INPP4B: variants seen among roughly 807,000 people sequenced by gnomAD.
INPP4B encodes the protein inositol polyphosphate 4-phosphatase type II.
In INPP4B, 55 loss-of-function variants were observed where a neutral mutation model predicts 122.5. The observed-to-expected ratio is 0.45, with a 90% CI of 0.36 to 0.56. The LOEUF (loss-of-function observed/expected upper bound fraction) is 0.56. Among genes scored for constraint, INPP4B ranks in the 20% least tolerant of loss-of-function variants. The pLI, the probability that INPP4B is intolerant of heterozygous loss-of-function variation, is 0.00. For missense variants in INPP4B, 1,000 were observed against 1,097.7 expected (o/e 0.91, Z 1.26); for synonymous variants, 403 against 388.7 (o/e 1.04, Z -0.43).
In INPP4B at chr4:142,392,946, G is replaced by C. The variant is rs551596523; in HGVS notation, c.372+9992C>G. Among the ~76,000 whole-genome samples, 5 of 152,256 alleles carry C rather than the reference G, an allele frequency of 3.3e-5. No homozygotes were observed. In the South Asian group the frequency reaches 8.3e-4, roughly 25 times the overall value. On this transcript the variant is annotated intron_variant, in intron 7 of 25. Coordinates refer to ENST00000262992, the MANE Select transcript of INPP4B (RefSeq NM_001101669.3). ...TTGGTTTATGCGGACCCTGGGTAAG[G>C]AGGATACTCCAAACTTAGTATTATC...
intron 24 of INPP4B, among the ~76,000 whole-genome samples, chr4:142,083,411 A>T (rs1162216758): frequency 6.6e-6 from 1 of 152,194 alleles, no homozygotes; most frequent in Non-Finnish European, 1.5e-5. Context: ...TATGAGTAAT[A>T]GGGGAATCAT....
At chr4:142,467,428 G>A (rs1364647614) in intron 2 of INPP4B, among the ~76,000 whole-genome samples, 2 of 152,176 alleles carry the variant, frequency 1.3e-5, no homozygotes, top group African/African-American at 4.8e-5. Flanking sequence ...TGACTTGTGT[G>A]GGGCCTATTG....
chr4:142,078,931 A>G (rs1772314775), intron 25 of INPP4B, among the ~76,000 whole-genome samples: 2 of 152,044 alleles, frequency 1.3e-5, no homozygotes, highest in South Asian at 4.1e-4. Context: ...AAACATACAA[A>G]TCAAATTCCT....
At chr4:142,614,479 C>T (rs181553376) in intron 2 of INPP4B, among the ~76,000 whole-genome samples, 64 of 152,148 alleles carry the variant, frequency 4.2e-4, no homozygotes, top group African/African-American at 1.5e-3. Flanking sequence ...GGACATTGAC[C>T]TAGGCAAAGA....
chr4:142,126,789 T>G (rs922560599), intron 18 of INPP4B, among the ~76,000 whole-genome samples: 3 of 151,710 alleles, frequency 2.0e-5, no homozygotes, highest in African/African-American at 7.3e-5. Flanking sequence ...AACTTTTTTT[T>G]CATAATAAGA....
chr4:142,398,997 T>A (rs1243907691), intron 7 of INPP4B, among the ~76,000 whole-genome samples: 2 of 152,046 alleles, frequency 1.3e-5, no homozygotes, highest in Non-Finnish European at 2.9e-5. Flanking sequence ...GAAATTCAAA[T>A]TTCTACCATG....
At chr4:142,227,874 A>AG (rs1354586801) in intron 12 of INPP4B, among the ~76,000 whole-genome samples, 18 of 149,456 alleles carry the variant, frequency 1.2e-4, no homozygotes, top group African/African-American at 3.2e-4. Context: ...AAAAAAAAAA[A>AG]AAAAAAGAAA....
At chr4:142,141,077 G>A (rs1480459312) in intron 18 of INPP4B, among the ~76,000 whole-genome samples, 2 of 152,124 alleles carry the variant, frequency 1.3e-5, no homozygotes, top group Non-Finnish European at 2.9e-5. Context: ...CAATTCAAAA[G>A]GGACATGAGG....
At chr4:142,044,430 T>C (rs1002957079) in intron 25 of INPP4B, among the ~76,000 whole-genome samples, 1 of 152,092 alleles carries the variant, frequency 6.6e-6, no homozygotes, top group African/African-American at 2.4e-5. Context: ...ATGCTGCAGT[T>C]GGAGCAAGGA....
intron 3 of INPP4B, among the ~76,000 whole-genome samples, chr4:142,457,590 C>T (rs1345491385): frequency 6.6e-6 from 1 of 152,146 alleles, no homozygotes; most frequent in Non-Finnish European, 1.5e-5. Flanking sequence ...CAACAGAGAA[C>T]TATCACTACA....
chr4:142,063,938 G>A (rs775517399), intron 25 of INPP4B, among the ~76,000 whole-genome samples: 1 of 152,140 alleles, frequency 6.6e-6, no homozygotes, highest in Non-Finnish European at 1.5e-5. Flanking sequence ...CATAACCTCT[G>A]TGGTGAAATT....
At chr4:142,545,533 T>A (rs186315063) in intron 2 of INPP4B, among the ~76,000 whole-genome samples, 76 of 152,148 alleles carry the variant, frequency 5.0e-4, no homozygotes, top group African/African-American at 1.6e-3. Flanking sequence ...AGCTCTTTTT[T>A]AAATTTTTAC....
intron 2 of INPP4B, among the ~76,000 whole-genome samples, chr4:142,644,827 T>C (rs1580604849): frequency 7.6e-6 from 1 of 131,218 alleles, no homozygotes; most frequent in African/African-American, 2.9e-5. Context: ...CACTTGAACC[T>C]GGGTGGTGGA....
intron 7 of INPP4B, among the ~76,000 whole-genome samples, chr4:142,375,066 G>A (rs1300423756): frequency 3.3e-5 from 5 of 151,402 alleles, no homozygotes; most frequent in African/African-American, 7.3e-5. Flanking sequence ...CATCTTATAC[G>A]GTCTAATCAC....
At chr4:142,713,787 G>A (rs1342582414) in intron 2 of INPP4B, among the ~76,000 whole-genome samples, 1 of 152,130 alleles carries the variant, frequency 6.6e-6, no homozygotes. Flanking sequence ...TCTACATCCT[G>A]GGGGTTTTAA....
At chr4:142,345,153 T>G (rs1322025781) in intron 7 of INPP4B, among the ~76,000 whole-genome samples, 2 of 151,970 alleles carry the variant, frequency 1.3e-5, no homozygotes, top group Non-Finnish European at 2.9e-5. Flanking sequence ...TTTGGGGAAA[T>G]ATACACAATA....
intron 2 of INPP4B, among the ~76,000 whole-genome samples, chr4:142,621,554 G>A (rs2150374414): frequency 6.6e-6 from 1 of 151,942 alleles, no homozygotes; most frequent in South Asian, 2.1e-4. Flanking sequence ...GAGTGGAAAG[G>A]ACATGATTGT....
chr4:142,806,800 A>AAAGAAAG lies in INPP4B; in HGVS notation c.-254+39402_-254+39408dup, dbSNP rs1362773027. Among the ~76,000 whole-genome samples the AAAGAAAG allele has an allele frequency of 2.1e-5, 3 of 145,286 alleles. No homozygotes were observed. In the East Asian group the frequency reaches 6.0e-4, roughly 29 times the overall value. On this transcript the variant is annotated intron_variant, in intron 1 of 25. Transcript: ENST00000262992. ...GAAAGAAAGAAGGAAAGAAAGAAAGAAAGAAAGAAAGAAAGAAAGAAAGAA... is the reference window on the plus strand; with the variant it reads ...GAAAGAAAGAAGGAAAGAAAGAAAGAAAGAAAGAAGAAAGAAAGAAAGAAAGAAAGAA...
At chr4:142,235,390 G>T (rs1379096987) in intron 12 of INPP4B, among the ~76,000 whole-genome samples, 4 of 151,116 alleles carry the variant, frequency 2.6e-5, no homozygotes, top group Non-Finnish European at 5.9e-5. Flanking sequence ...ATGAATATAT[G>T]TTAATGAATT....
Sources: gnomAD v4.1 joint callset for allele counts (sites outside exome capture counted in the v4.1 genomes callset) on GRCh38, gnomAD v4.1.1 for gene constraint, MANE v1.5 for transcripts, NCBI Gene and HGNC (gene_info 2026-07-23, HGNC 2026-07-21) for gene names.